Variants in ACAP2 observed in about 807,000 individuals in gnomAD.
The protein encoded by ACAP2 is ArfGAP with coiled-coil, ankyrin repeat and PH domains 2.
ACAP2 carries 39 observed loss-of-function variants against 115.8 expected under a neutral mutation model. The observed-to-expected ratio is 0.34, with a 90% CI of 0.26 to 0.44. The LOEUF (loss-of-function observed/expected upper bound fraction) is 0.44. ACAP2 is among the 20% of genes least tolerant of loss of function. ACAP2 has a pLI of 1.00. For missense variants in ACAP2, 662 were observed against 927.6 expected, an observed-to-expected ratio of 0.71 and a Z score of 3.72; for synonymous variants, 289 against 315.8, an observed-to-expected ratio of 0.92 and a Z score of 0.90.
chr3:195,411,786 T>TG (rs1491124161), intron 1 of ACAP2, among the ~76,000 whole-genome samples: 3 of 152,006 alleles, frequency 2.0e-5, no homozygotes, highest in African/African-American at 7.2e-5. Flanking sequence ...GGCTCATGCC[T>TG]GTAATCCCAG....
chr3:195,400,507 TAAAA>T (rs200223859), intron 1 of ACAP2, among the ~76,000 whole-genome samples: 2 of 141,208 alleles, frequency 1.4e-5, no homozygotes, highest in East Asian at 2.0e-4. Context: ...CTTTTTCCCT[TAAAA>T]AAAAAAAAAA....
intron 1 of ACAP2, among the ~76,000 whole-genome samples, chr3:195,438,796 A>G (rs1715780249): frequency 6.6e-6 from 1 of 152,254 alleles, no homozygotes; most frequent in African/African-American, 2.4e-5. Context: ...ATGGTGGCTT[A>G]TGCCTGTAAT....
At chr3:195,399,977 G>T (rs543978331) in intron 1 of ACAP2, among the ~76,000 whole-genome samples, 6 of 151,772 alleles carry the variant, frequency 4.0e-5, no homozygotes, top group Admixed American at 6.6e-5. Context: ...TTGGGAGTTC[G>T]AGAGCAGCCT....
chr3:195,297,120 T>A, intron 16 of ACAP2, 70 bp downstream of exon 16: 2 of 1,343,144 alleles, frequency 1.5e-6, no homozygotes. Flanking sequence ...ATGTTATATA[T>A]CAATTACTAC....
intron 1 of ACAP2, among the ~76,000 whole-genome samples, chr3:195,439,218 A>T (rs1715819600): frequency 1.4e-5 from 2 of 146,388 alleles, no homozygotes; most frequent in Non-Finnish European, 3.0e-5. Context: ...TAAGAGAGAG[A>T]GAGAGAGTCT....
At chr3:195,409,069 T>C (rs185296623) in intron 1 of ACAP2, among the ~76,000 whole-genome samples, 1 of 149,514 alleles carries the variant, frequency 6.7e-6, no homozygotes, top group African/African-American at 2.5e-5. Flanking sequence ...AACATAGCAC[T>C]GGAAGTCCCA....
At chr3:195,328,347 A>G (rs1458931850) in intron 8 of ACAP2, among the ~76,000 whole-genome samples, 1 of 152,260 alleles carries the variant, frequency 6.6e-6, no homozygotes, top group East Asian at 1.9e-4. Flanking sequence ...ATCCCTTATC[A>G]CAAATGATGT....
intron 1 of ACAP2, among the ~76,000 whole-genome samples, chr3:195,431,604 A>ATTTTTTTTTTTT (rs113830959): frequency 7.2e-6 from 1 of 138,458 alleles, no homozygotes. Context: ...TGCCCGACTA[A>ATTTTTTTTTTTT]TTTTTTTTTT....
intron 22 of ACAP2, 177 bp from the exon 23 acceptor site, chr3:195,279,605 A>C (rs1203752395): frequency 1.2e-5 from 4 of 321,184 alleles, no homozygotes. Flanking sequence ...GCAATGAAAG[A>C]AAAAAAAAAA....
chr3:195,281,906 C>G (rs900137300), intron 22 of ACAP2, among the ~76,000 whole-genome samples: 1 of 152,116 alleles, frequency 6.6e-6, no homozygotes, highest in Non-Finnish European at 1.5e-5. Context: ...ACTGGATAGT[C>G]TGGAATTTTC....
At chr3:195,431,832 GT>G (rs1715155133) in intron 1 of ACAP2, among the ~76,000 whole-genome samples, 1 of 152,004 alleles carries the variant, frequency 6.6e-6, no homozygotes, top group Non-Finnish European at 1.5e-5. Flanking sequence ...GTGCATGAGG[GT>G]TCTAACAGCT....
At chr3:195,307,193 G>T in intron 12 of ACAP2, 30 bp downstream of exon 12, 1 of 1,554,676 alleles carries the variant, frequency 6.4e-7, no homozygotes, top group Non-Finnish European at 8.8e-7. Context: ...AAACATAAAA[G>T]CAAATCACAG....
intron 1 of ACAP2, among the ~76,000 whole-genome samples, chr3:195,399,518 T>C (rs1712087580): frequency 1.3e-5 from 2 of 152,086 alleles, no homozygotes; most frequent in Non-Finnish European, 2.9e-5. Flanking sequence ...TACGTTTGTA[T>C]CTTTCTAAGC....
intron 21 of ACAP2, among the ~76,000 whole-genome samples, chr3:195,287,769 A>T (rs1268637095): frequency 2.0e-5 from 3 of 152,154 alleles, no homozygotes; most frequent in African/African-American, 7.2e-5. Flanking sequence ...CTGTTAGTCT[A>T]ACAATCCCAG....
intron 1 of ACAP2, among the ~76,000 whole-genome samples, chr3:195,435,403 T>C (rs1715460293): frequency 6.6e-6 from 1 of 151,982 alleles, no homozygotes; most frequent in Non-Finnish European, 1.5e-5. Context: ...CCTGACCTCG[T>C]GATCCACCCA....
Position 195,403,792 on chromosome 3 carries a change from T to C in ACAP2, c.54-11645A>G, listed in dbSNP as rs572943097. ...CAGTTTTGGATTTGACTCCAAAATA[T>C]CTACTAGATATACAAGTGATGACTT... is the stretch of plus-strand genomic sequence containing the variant. On this transcript the variant is annotated intron_variant, in intron 1 of 22. Transcript: ENST00000326793. 2.0e-5 allele frequency among the ~76,000 whole-genome samples: 3 copies of C among 152,302 alleles called. No homozygotes were observed. The South Asian group carries it at 6.2e-4, about 32-fold the overall frequency.
At chr3:195,298,103 T>C (rs927491127) in intron 15 of ACAP2, among the ~76,000 whole-genome samples, 2 of 152,126 alleles carry the variant, frequency 1.3e-5, no homozygotes, top group South Asian at 2.1e-4. Context: ...AGAATAGAGG[T>C]TAAAGTGTTG....
rs1385124211 is a variant in ACAP2, at chr3:195,442,922, C to T, written c.-75G>A. 3 of 1,353,036 alleles carry T rather than the reference C, an allele frequency of 2.2e-6. No homozygotes were observed. Among genetic ancestry groups the T allele is most frequent in the Non-Finnish European group, 2.9e-6 (3 of 1,022,764 alleles). The allele number at this position is 1,353,036 out of a possible 1,614,324, so 83.8% of individuals were successfully genotyped here. A position where few individuals can be genotyped will look rare whatever the true frequency, so the allele number is the denominator to read the frequency against. ...AGCGGCCGCGCTGGGACGCAGACGG[C>T]TACGGCGGGCGCACGGCCGCGACTA... is the stretch of plus-strand genomic sequence containing the variant. On this transcript the variant is annotated 5_prime_UTR_variant, in exon 1 of 23. Coordinates refer to ENST00000326793, the MANE Select transcript of ACAP2 (RefSeq NM_012287.6).
chr3:195,437,883 T>C (rs1365550479), intron 1 of ACAP2, among the ~76,000 whole-genome samples: 5 of 113,894 alleles, frequency 4.4e-5, no homozygotes, highest in Admixed American at 2.9e-4. Context: ...CTACTTTACA[T>C]GCTTTTTTTT....
Sources: gnomAD v4.1 joint callset for allele counts (sites outside exome capture counted in the v4.1 genomes callset) on GRCh38, gnomAD v4.1.1 for gene constraint, MANE v1.5 for transcripts, NCBI Gene and HGNC (gene_info 2026-07-23, HGNC 2026-07-21) for gene names.